FRY: variants seen among roughly 807,000 people sequenced by gnomAD.
FRY encodes the protein protein furry homolog.
Under a neutral mutation model 348.4 loss-of-function variants are expected in FRY, and 128 were observed. The ratio of observed to expected loss-of-function variants is 0.37; its 90% CI spans 0.32 to 0.43. The LOEUF (loss-of-function observed/expected upper bound fraction) is 0.43. Ranked by LOEUF, FRY falls within the 20% of genes least tolerant of loss-of-function variation. FRY has a pLI of 1.00. For synonymous variants in FRY, 1,370 were observed against 1,374.7 expected, an observed-to-expected ratio of 1.00 and a Z score of 0.08; for missense variants, 2,736 against 3,695.2, an observed-to-expected ratio of 0.74 and a Z score of 6.73.
Position 32,212,328 on chromosome 13 carries a change from A to G in FRY, c.4628A>G (p.Gln1543Arg), listed in dbSNP as rs1884734371. The change falls in exon 35 of 61, where the codon CAG (glutamine) becomes CGG (arginine). Residue 1543 changes from glutamine to arginine, a missense_variant. Gln to Arg is a conservative substitution (Grantham distance 43). Coordinates refer to ENST00000542859, the MANE Select transcript of FRY (RefSeq NM_023037.3). ...TSSSNTVVAGQENFPDAEENK... is the reference protein window; with the variant it reads ...TSSSNTVVAGRENFPDAEENK... Reference sequence around the variant, plus strand: ...AGCAGCAATACAGTGGTTGCTGGCCAGGAAAATTTCCCAGATGCTGAGGAG... The same window carrying G: ...AGCAGCAATACAGTGGTTGCTGGCCGGGAAAATTTCCCAGATGCTGAGGAG... 1 of 1,611,156 alleles carries G rather than the reference A, an allele frequency of 6.2e-7. No individual in the cohort carries two copies. Among genetic ancestry groups the G allele is most frequent in the African/African-American group, 1.3e-5 (1 of 74,830 alleles).
chr13:32,202,577 CGTATGTGATCATTTCTAATAATGACAT>C, intron 31 of FRY, 50 bp downstream of exon 31: 1 of 1,351,604 alleles, frequency 7.4e-7, no homozygotes, highest in Non-Finnish European at 1.1e-6. Flanking sequence ...CTAATAATGA[CGTATGTGATCATTTCTAATAATGACAT>C]GTGATCATTT....
chr13:32,127,626 AAT>A (rs1410696960), intron 7 of FRY, among the ~76,000 whole-genome samples: 12 of 152,128 alleles, frequency 7.9e-5, no homozygotes, highest in Non-Finnish European at 1.5e-4. Flanking sequence ...AAATACAAAA[AAT>A]ATTAGCTGGG....
chr13:32,172,228 T>C lies in FRY; in HGVS notation c.2151+958T>C, dbSNP rs539326257. On this transcript the variant is annotated intron_variant, in intron 18 of 60. Coordinates refer to ENST00000542859, the MANE Select transcript of FRY (RefSeq NM_023037.3). Reference sequence around the variant, plus strand: ...GATTTGGATGTAAATGTGGATGTGATAGGGATGTGGATAGGGTTGTGGATG... The same window carrying C: ...GATTTGGATGTAAATGTGGATGTGACAGGGATGTGGATAGGGTTGTGGATG... Among the ~76,000 whole-genome samples, 194 of 151,958 alleles carry C rather than the reference T, an allele frequency of 1.3e-3. 1 individual carries two copies. The highest frequency in any genetic ancestry group is 4.5e-3 in the African/African-American group (186 of 41,468).
intron 2 of FRY, among the ~76,000 whole-genome samples, chr13:32,088,916 T>G (rs1271939766): frequency 6.6e-6 from 1 of 152,212 alleles, no homozygotes; most frequent in East Asian, 1.9e-4. Flanking sequence ...TGATATGTTC[T>G]TTGTACTATT....
intron 7 of FRY, among the ~76,000 whole-genome samples, chr13:32,127,595 T>C (rs370737485): frequency 1.3e-5 from 2 of 152,034 alleles, no homozygotes; most frequent in Admixed American, 1.3e-4. Context: ...GGCTAACACG[T>C]TGAAACCCCG....
chr13:32,045,530 G>A (rs1037055741), intron 1 of FRY, among the ~76,000 whole-genome samples: 2 of 152,180 alleles, frequency 1.3e-5, no homozygotes, highest in Admixed American at 1.3e-4. Flanking sequence ...CATGACAAAT[G>A]CTTTTGGTGT....
At chr13:32,219,567 G>T (rs924716157) in intron 36 of FRY, among the ~76,000 whole-genome samples, 9 of 148,054 alleles carry the variant, frequency 6.1e-5, no homozygotes, top group Non-Finnish European at 1.2e-4. Flanking sequence ...GACCATCCTG[G>T]CTAACACGGT....
chr13:32,247,582 A>G, intron 48 of FRY, 80 bp downstream of exon 48: 1 of 1,102,596 alleles, frequency 9.1e-7, no homozygotes, highest in Non-Finnish European at 1.4e-6. Context: ...TGCCTGGAAA[A>G]AAGAAGACTT....
At position 32,202,408 on chromosome 13, in the gene FRY, C is replaced by A; in HGVS notation, c.3899C>A (p.Pro1300Gln). The change falls in exon 31 of 61, where the codon CCG (proline) becomes CAG (glutamine). Residue 1300 changes from proline (P) to glutamine (Q), a missense_variant. Coordinates refer to ENST00000542859, the MANE Select transcript of FRY (RefSeq NM_023037.3). ...VYSKKVAEQR[P>Q]GSILYGTHGP... is the part of the protein sequence containing the mutation. ...TCAAAGAAAGTCGCTGAGCAAAGAC[C>A]GGGAAGTATTCTCTATGGAACACAC... 6.2e-7 allele frequency: 1 copy of A among 1,613,980 alleles called. No individual in the cohort carries two copies. Among genetic ancestry groups the A allele is most frequent in the Admixed American group, 1.7e-5 (1 of 60,002 alleles).
chr13:32,223,128 T>C (rs1885401212), intron 36 of FRY, among the ~76,000 whole-genome samples: 2 of 152,038 alleles, frequency 1.3e-5, no homozygotes, highest in Admixed American at 1.3e-4. Context: ...AGCTAATTTT[T>C]TGTATTTTTA....
chr13:32,080,327 T>C (rs1050971796), intron 2 of FRY, among the ~76,000 whole-genome samples: 1 of 152,240 alleles, frequency 6.6e-6, no homozygotes, highest in Non-Finnish European at 1.5e-5. Flanking sequence ...GTACTTACTA[T>C]GTACTAGGCA....
At chr13:32,295,176 A>G in intron 60 of FRY, 26 bp from the exon 61 acceptor site, 1 of 1,612,278 alleles carries the variant, frequency 6.2e-7, no homozygotes, top group Non-Finnish European at 8.5e-7. Flanking sequence ...AGTGCCTCTA[A>G]TCTGTGCTGT....
In FRY at chr13:32,179,786, T is replaced by C; in HGVS notation, c.2983T>C (p.Ser995Pro). 6.2e-7 allele frequency: 1 copy of C among 1,613,640 alleles called. No homozygotes were observed. Residue 995 changes from serine to proline, a missense_variant, in exon 23 of 61, where the codon TCC becomes CCC. By Grantham distance (74) the Ser-to-Pro change is moderately conservative (BLOSUM62 -1). Coordinates refer to ENST00000542859, the MANE Select transcript of FRY (RefSeq NM_023037.3). Reference sequence around the variant, plus strand: ...AGTTTTAGGATTTGGAAGAACAAATTCCCTTGTTTTCAGGTACAGTAGTCT... The same window carrying C: ...AGTTTTAGGATTTGGAAGAACAAATCCCCTTGTTTTCAGGTACAGTAGTCT... The part of the protein sequence containing the change: ...SLVLGFGRTN[S>P]LVFRELVEEL...
intron 58 of FRY, 117 bp from the exon 59 acceptor site, chr13:32,289,516 C>A: frequency 1.5e-6 from 1 of 685,364 alleles, no homozygotes. Context: ...TTTGGAATAA[C>A]AGCTGGTTAT....
At chr13:32,103,329 T>G (rs933714018) in intron 3 of FRY, among the ~76,000 whole-genome samples, 2 of 152,252 alleles carry the variant, frequency 1.3e-5, no homozygotes, top group African/African-American at 4.8e-5. Context: ...ATATGATGTT[T>G]GGGGTTACCA....
intron 1 of FRY, 105 bp from the exon 2 acceptor site, chr13:32,078,729 C>T (rs1033870891): frequency 1.1e-5 from 10 of 904,508 alleles, no homozygotes; most frequent in Non-Finnish European, 1.7e-5. Context: ...TTAAGTGTGA[C>T]TTTCTTGATA....
intron 1 of FRY, among the ~76,000 whole-genome samples, chr13:32,073,015 G>A (rs1299974865): frequency 6.6e-6 from 1 of 152,136 alleles, no homozygotes; most frequent in Non-Finnish European, 1.5e-5. Flanking sequence ...AATCCCAGGA[G>A]CACTTAAAAG....
intron 11 of FRY, among the ~76,000 whole-genome samples, chr13:32,145,522 A>ATTTT (rs1593664456): frequency 9.4e-6 from 1 of 106,000 alleles, no homozygotes. Context: ...TCTCTGACTG[A>ATTTT]TTTGTTTTTT....
intron 1 of FRY, among the ~76,000 whole-genome samples, chr13:32,060,069 T>C (rs1022016895): frequency 7.2e-5 from 11 of 152,240 alleles, no homozygotes; most frequent in African/African-American, 2.7e-4. Context: ...AATTACAACC[T>C]ATATTGCTAA....
Sources: gnomAD v4.1 joint callset for allele counts (sites outside exome capture counted in the v4.1 genomes callset) on GRCh38, gnomAD v4.1.1 for gene constraint, MANE v1.5 for transcripts, NCBI Gene and HGNC (gene_info 2026-07-23, HGNC 2026-07-21) for gene names.